Variants in ADGRD1 observed in about 807,000 individuals in gnomAD.
ADGRD1 encodes G-protein coupled receptor 133.
A neutral mutation model predicts 113.4 loss-of-function variants in ADGRD1; 77 were observed. That is an observed-to-expected ratio of 0.68 (90% CI 0.57 to 0.82). The LOEUF (loss-of-function observed/expected upper bound fraction) is 0.82. ADGRD1 is among the 40% of genes least tolerant of loss of function. ADGRD1 has a pLI of 0.00. For synonymous variants in ADGRD1, 474 were observed against 475.0 expected (o/e 1.00, Z 0.03); for missense variants, 1,036 against 1,139.1 (o/e 0.91, Z 1.30).
chr12:131,062,652 CG>C (rs1884427354), intron 13 of ADGRD1, among the ~76,000 whole-genome samples: 1 of 152,098 alleles, frequency 6.6e-6, no homozygotes, highest in Non-Finnish European at 1.5e-5. Context: ...TCTTACCTGC[CG>C]CCATGTAAGA....
intron 13 of ADGRD1, among the ~76,000 whole-genome samples, chr12:131,042,956 C>G (rs1223974862): frequency 6.6e-6 from 1 of 152,240 alleles, no homozygotes; most frequent in Non-Finnish European, 1.5e-5. Context: ...GAGTGTCTGC[C>G]CATGCGAGGC....
At chr12:131,043,224 C>A (rs943491879) in intron 13 of ADGRD1, among the ~76,000 whole-genome samples, 1 of 152,204 alleles carries the variant, frequency 6.6e-6, no homozygotes, top group African/African-American at 2.4e-5. Flanking sequence ...GCCTCCTGTC[C>A]GGGTTCATTG....
At chr12:131,033,940 C>T (rs958432669) in intron 13 of ADGRD1, among the ~76,000 whole-genome samples, 1 of 152,102 alleles carries the variant, frequency 6.6e-6, no homozygotes, top group African/African-American at 2.4e-5. Flanking sequence ...CAGTCCTCCC[C>T]GGGGGATGCC....
chr12:130,990,146 G>A (rs566842471), intron 6 of ADGRD1: 2 of 152,314 alleles, frequency 1.3e-5, no homozygotes, highest in South Asian at 2.1e-4. Context: ...GGCACCTGAG[G>A]AGTGAATGTC....
chr12:131,065,697 G>A (rs545645927), intron 13 of ADGRD1, among the ~76,000 whole-genome samples: 2 of 152,332 alleles, frequency 1.3e-5, no homozygotes, highest in South Asian at 2.1e-4. Context: ...GAGGCCAGGT[G>A]TGTTTAAAGG....
chr12:131,083,712 C>A (rs536858414), intron 14 of ADGRD1, among the ~76,000 whole-genome samples: 4 of 152,240 alleles, frequency 2.6e-5, no homozygotes, highest in Admixed American at 2.0e-4. Context: ...ACCGAGAGCA[C>A]GTTTGCTTCC....
At chr12:130,968,768 G>C (rs1180753306) in intron 3 of ADGRD1, 5 of 569,418 alleles carry the variant, frequency 8.8e-6, no homozygotes, top group African/African-American at 7.6e-5. Flanking sequence ...TGTGGGAACT[G>C]AGTGGGGCCA....
intron 10 of ADGRD1, 106 bp from the exon 11 acceptor site, chr12:131,004,080 G>T: frequency 1.5e-6 from 1 of 680,744 alleles, no homozygotes; most frequent in East Asian, 2.7e-5. Flanking sequence ...TTCCCGTGGG[G>T]AGCTTGTCCT....
chr12:131,005,269 C>T (rs1464510617), intron 11 of ADGRD1, among the ~76,000 whole-genome samples: 4 of 152,230 alleles, frequency 2.6e-5, no homozygotes, highest in African/African-American at 9.6e-5. Context: ...GACGATGCCA[C>T]CTTCCTCCAG....
Position 131,139,347 on chromosome 12 carries a change from C to T in ADGRD1, c.*84C>T, listed in dbSNP as rs1391909160. The stretch of plus-strand genomic sequence containing the variant: ...GAAATGCCCCACCTTTGCCCATGGA[C>T]CCTCTCCTTGCTGCTGTCTGGACAT... On this transcript the variant is annotated 3_prime_UTR_variant, in exon 25 of 25. Coordinates refer to ENST00000261654, the MANE Select transcript of ADGRD1 (RefSeq NM_198827.5). 7.6e-6 allele frequency: 7 copies of T among 922,530 alleles called. No homozygotes were observed. Among genetic ancestry groups the T allele is most frequent in the African/African-American group, 1.6e-5 (1 of 61,194 alleles). The allele number at this position is 922,530 out of a possible 1,614,324, so 57.1% of individuals were successfully genotyped here. A position where few individuals can be genotyped will look rare whatever the true frequency, so the allele number is the denominator to read the frequency against.
chr12:130,991,429 T>C (rs1874376452), intron 7 of ADGRD1, among the ~76,000 whole-genome samples: 1 of 152,164 alleles, frequency 6.6e-6, no homozygotes, highest in Non-Finnish European at 1.5e-5. Flanking sequence ...TCAATTCATA[T>C]AGAAAAATTC....
intron 15 of ADGRD1, among the ~76,000 whole-genome samples, chr12:131,086,971 T>C (rs1378891449): frequency 6.6e-6 from 1 of 152,210 alleles, no homozygotes; most frequent in Non-Finnish European, 1.5e-5. Context: ...AGTGGTTTGA[T>C]CATGGCTCAC....
Position 130,981,912 on chromosome 12 carries a change from A to T in ADGRD1, c.339A>T (p.Thr113=), listed in dbSNP as rs1157912138. 1 of 1,612,876 alleles carries T rather than the reference A, an allele frequency of 6.2e-7. No individual in the cohort carries two copies. Among genetic ancestry groups the T allele is most frequent in the East Asian group, 2.2e-5 (1 of 44,880 alleles). ...TCACGTTTTCTTTTTTCTGGAAGAC[A>T]CAAGGAGAACAGTCTAGACCAATCC... ...EGVTFSFFWK[T]QGEQSRPIPS... The change falls in exon 5 of 25, where the codon ACA becomes ACT. Residue 113 remains threonine (T), a synonymous_variant. Transcript: ENST00000261654.
At position 131,006,056 on chromosome 12, in the gene ADGRD1, C is replaced by CG. The variant is rs748522554; in HGVS notation, c.1331+14dup. On this transcript the variant is annotated intron_variant, in intron 12 of 24. Transcript: ENST00000261654. The stretch of plus-strand genomic sequence containing the variant: ...TGGCCCGCCCACACCAAGTGAGTCT[C>CG]GGGGGTGCTCAGCTCAGGGGCGTGG... 1.2e-6 allele frequency: 2 copies of CG among 1,611,806 alleles called. No homozygotes were observed. Among genetic ancestry groups the CG allele is most frequent in the Non-Finnish European group, 1.7e-6 (2 of 1,179,240 alleles).
intron 6 of ADGRD1, 40 bp from the exon 7 acceptor site, chr12:130,990,974 G>A (rs755365327): frequency 1.3e-6 from 2 of 1,557,006 alleles, no homozygotes; most frequent in Middle Eastern, 3.3e-4. Context: ...TGAAAAAAGT[G>A]ACCATGTTTT....
intron 8 of ADGRD1, chr12:130,994,057 C>T: frequency 4.2e-6 from 1 of 240,454 alleles, no homozygotes; most frequent in Non-Finnish European, 8.9e-6. Flanking sequence ...AATCACTAAC[C>T]AAGGGGAGTG....
At position 131,123,648 on chromosome 12, in the gene ADGRD1, C is replaced by T. The variant is rs192025899; in HGVS notation, c.2175+2735C>T. On this transcript the variant is annotated intron_variant, in intron 20 of 24. Coordinates refer to ENST00000261654, the MANE Select transcript of ADGRD1 (RefSeq NM_198827.5). ...CATCCTGGCTAACACAGTGAAACCC[C>T]GCCTCTACTAAAAATACAAAAAAAT... Among the ~76,000 whole-genome samples the T allele has an allele frequency of 2.5e-3, 383 of 151,954 alleles. 2 individuals carry two copies. Among genetic ancestry groups the T allele is most frequent in the Middle Eastern group, 0.02 (6 of 294 alleles).
intron 17 of ADGRD1, among the ~76,000 whole-genome samples, chr12:131,108,338 C>CA (rs1322881749): frequency 6.6e-6 from 1 of 152,184 alleles, no homozygotes; most frequent in Non-Finnish European, 1.5e-5. Context: ...CTCCAGTCCT[C>CA]ACTTGAAGGG....
chr12:131,020,317 A>G (rs1458691760), intron 13 of ADGRD1, among the ~76,000 whole-genome samples: 1 of 150,566 alleles, frequency 6.6e-6, no homozygotes, highest in Non-Finnish European at 1.5e-5. Flanking sequence ...TGCTCGAGGG[A>G]GATGTTCCAG....
Sources: gnomAD v4.1 joint callset for allele counts (sites outside exome capture counted in the v4.1 genomes callset) on GRCh38, gnomAD v4.1.1 for gene constraint, MANE v1.5 for transcripts, NCBI Gene and HGNC (gene_info 2026-07-23, HGNC 2026-07-21) for gene names.